The following ADK variants were observed in gnomAD, a reference collection of about 807,000 sequenced individuals.
ADK encodes N6,N6-dimethyladenosine kinase.
A neutral mutation model predicts 44.7 loss-of-function variants in ADK; 24 were observed. The observed-to-expected ratio is 0.54, with a 90% CI of 0.39 to 0.76. The LOEUF (loss-of-function observed/expected upper bound fraction) is 0.76, where lower values mean the gene tolerates loss of function less well. Among genes scored for constraint, ADK ranks in the 30% least tolerant of loss-of-function variants. ADK has a pLI of 0.00. For missense variants in ADK, 321 were observed against 425.1 expected, an observed-to-expected ratio of 0.76 and a Z score of 2.15; for synonymous variants, 128 against 142.6, an observed-to-expected ratio of 0.90 and a Z score of 0.73.
chr10:74,302,027 G>A (rs1840048767), intron 3 of ADK, among the ~76,000 whole-genome samples: 1 of 149,270 alleles, frequency 6.7e-6, no homozygotes, highest in Non-Finnish European at 1.5e-5. Context: ...GAATGACTTT[G>A]GAATTCAGGG....
At chr10:74,601,874 C>T (rs548852183) in intron 9 of ADK, among the ~76,000 whole-genome samples, 6 of 148,280 alleles carry the variant, frequency 4.0e-5, no homozygotes, top group African/African-American at 1.3e-4. Context: ...GGGAGGATTG[C>T]TTGATCCCAG....
At chr10:74,216,623 A>T (rs1844037398) in intron 2 of ADK, among the ~76,000 whole-genome samples, 1 of 151,430 alleles carries the variant, frequency 6.6e-6, no homozygotes, top group Admixed American at 6.6e-5. Flanking sequence ...TATTTTGGGG[A>T]CTGAGGCACG....
intron 10 of ADK, among the ~76,000 whole-genome samples, chr10:74,684,642 C>A (rs989742051): frequency 1.3e-5 from 2 of 152,024 alleles, no homozygotes; most frequent in Non-Finnish European, 2.9e-5. Context: ...CATGGTGGTG[C>A]ACACCTATAG....
intron 6 of ADK, among the ~76,000 whole-genome samples, chr10:74,409,910 T>C (rs1039925501): frequency 6.6e-6 from 1 of 152,192 alleles, no homozygotes; most frequent in Non-Finnish European, 1.5e-5. Context: ...TTTTCATACC[T>C]ATGCCATGAG....
intron 9 of ADK, among the ~76,000 whole-genome samples, chr10:74,632,851 A>T (rs1348274507): frequency 6.6e-6 from 1 of 152,176 alleles, no homozygotes; most frequent in African/African-American, 2.4e-5. Context: ...TTATGCCCAG[A>T]TGAGCAGATA....
chr10:74,207,841 C>G (rs1475135121), intron 2 of ADK, among the ~76,000 whole-genome samples: 2 of 152,178 alleles, frequency 1.3e-5, no homozygotes. Context: ...GAACCCACCC[C>G]TTTTTTCCCA....
chr10:74,428,660 GTCA>G (rs1387747165), intron 6 of ADK, among the ~76,000 whole-genome samples: 4 of 152,240 alleles, frequency 2.6e-5, no homozygotes, highest in South Asian at 2.1e-4. Flanking sequence ...TCATTTTGCA[GTCA>G]TCATGTTAAA....
chr10:74,599,821 C>A (rs1852054111), intron 8 of ADK, among the ~76,000 whole-genome samples: 1 of 152,076 alleles, frequency 6.6e-6, no homozygotes, highest in Non-Finnish European at 1.5e-5. Context: ...ATTAGCATTT[C>A]TTTCTCTCAA....
chr10:74,626,755 C>A (rs1853219522), intron 9 of ADK, among the ~76,000 whole-genome samples: 1 of 152,116 alleles, frequency 6.6e-6, no homozygotes, highest in African/African-American at 2.4e-5. Flanking sequence ...TATTCCCTCC[C>A]AATGTTGTTT....
At chr10:74,491,137 CA>C (rs572482861) in intron 6 of ADK, among the ~76,000 whole-genome samples, 2 of 151,938 alleles carry the variant, frequency 1.3e-5, no homozygotes, top group Admixed American at 6.6e-5. Flanking sequence ...AATGGACACA[CA>C]AAAAAACACT....
intron 9 of ADK, among the ~76,000 whole-genome samples, chr10:74,664,501 C>T (rs1030036665): frequency 1.2e-4 from 19 of 152,052 alleles, no homozygotes; most frequent in African/African-American, 3.6e-4. Flanking sequence ...TTGAATCATA[C>T]GAATACATTA....
intron 6 of ADK, among the ~76,000 whole-genome samples, chr10:74,482,807 C>G (rs1430494749): frequency 6.6e-6 from 1 of 152,244 alleles, no homozygotes; most frequent in East Asian, 1.9e-4. Flanking sequence ...ATCTTTGACT[C>G]TATGTCTCAC....
At chr10:74,593,176 C>G (rs1206779053) in intron 8 of ADK, among the ~76,000 whole-genome samples, 1 of 152,170 alleles carries the variant, frequency 6.6e-6, no homozygotes, top group Non-Finnish European at 1.5e-5. Context: ...AAATCAGGCC[C>G]TGCTGGCTAA....
intron 4 of ADK, among the ~76,000 whole-genome samples, chr10:74,342,004 T>C (rs1005339514): frequency 2.5e-4 from 38 of 152,248 alleles, no homozygotes; most frequent in African/African-American, 8.4e-4. Context: ...GTTTTCATGC[T>C]AAGTAGCATG....
intron 6 of ADK, chr10:74,516,899 A>C (rs1848609546): frequency 5.9e-6 from 1 of 169,810 alleles, no homozygotes; most frequent in Non-Finnish European, 1.2e-5. Flanking sequence ...GGCATACCTG[A>C]GACTGGGAAG....
chr10:74,533,251 T>G (rs1401547497), intron 7 of ADK, among the ~76,000 whole-genome samples: 3 of 152,206 alleles, frequency 2.0e-5, no homozygotes, highest in Non-Finnish European at 2.9e-5. Context: ...TTAGTGTAAT[T>G]CAGTCAGAAT....
intron 1 of ADK, among the ~76,000 whole-genome samples, chr10:74,172,070 C>G (rs1842174244): frequency 6.7e-6 from 1 of 149,930 alleles, no homozygotes; most frequent in Non-Finnish European, 1.5e-5. Flanking sequence ...AGAGAATAAA[C>G]TTTTTGAAAA....
chr10:74,493,438 A>C (rs978878195), intron 6 of ADK, among the ~76,000 whole-genome samples: 2 of 151,096 alleles, frequency 1.3e-5, no homozygotes, highest in Non-Finnish European at 2.9e-5. Flanking sequence ...TCATCTATAT[A>C]TATATATATA....
chr10:74,441,913 T>C (rs556273922), intron 6 of ADK, among the ~76,000 whole-genome samples: 4 of 152,240 alleles, frequency 2.6e-5, no homozygotes, highest in Admixed American at 2.6e-4. Flanking sequence ...ACATTTTCCA[T>C]AGAAGACATA....
Sources: gnomAD v4.1 joint callset for allele counts (sites outside exome capture counted in the v4.1 genomes callset) on GRCh38, gnomAD v4.1.1 for gene constraint, MANE v1.5 for transcripts, NCBI Gene and HGNC (gene_info 2026-07-23, HGNC 2026-07-21) for gene names.